Variants in P4HA1 observed in about 807,000 individuals in gnomAD.
P4HA1 encodes the protein prolyl 4-hydroxylase subunit alpha 1, also known as prolyl 4-hydroxylase subunit alpha-1.
Under a neutral mutation model 72.8 loss-of-function variants are expected in P4HA1, and 24 were observed. The ratio of observed to expected loss-of-function variants is 0.33; its 90% CI spans 0.24 to 0.46. P4HA1 has a LOEUF of 0.46. Ranked by LOEUF, P4HA1 falls within the 20% of genes least tolerant of loss-of-function variation. The pLI, the probability that P4HA1 is intolerant of heterozygous loss-of-function variation, is 1.00. For missense variants in P4HA1, 446 were observed against 640.6 expected, an observed-to-expected ratio of 0.70 and a Z score of 3.28; for synonymous variants, 201 against 218.8, an observed-to-expected ratio of 0.92 and a Z score of 0.72.
At chr10:73,027,380 T>C (rs1840300693) in intron 10 of P4HA1, among the ~76,000 whole-genome samples, 2 of 144,218 alleles carry the variant, frequency 1.4e-5, no homozygotes, top group African/African-American at 5.2e-5. Context: ...TTCTCACTCA[T>C]AGGTGGAAAT....
intron 9 of P4HA1, among the ~76,000 whole-genome samples, chr10:73,037,958 T>C (rs372525286): frequency 1.3e-5 from 2 of 152,062 alleles, no homozygotes; most frequent in South Asian, 4.2e-4. Context: ...AAATAACATA[T>C]TTATGATATA....
chr10:73,050,330 A>G (rs1240104744), intron 7 of P4HA1, among the ~76,000 whole-genome samples: 2 of 152,192 alleles, frequency 1.3e-5, no homozygotes, highest in Non-Finnish European at 2.9e-5. Flanking sequence ...GCTTTATTTT[A>G]AAGCTATTTT....
chr10:73,057,356 G>A (rs1329567287), intron 5 of P4HA1, among the ~76,000 whole-genome samples: 4 of 152,014 alleles, frequency 2.6e-5, no homozygotes, highest in African/African-American at 7.2e-5. Context: ...CGGGCGTGGT[G>A]GTGGGTGCTT....
At chr10:73,078,180 T>C (rs1166180517) in intron 1 of P4HA1, among the ~76,000 whole-genome samples, 1 of 150,598 alleles carries the variant, frequency 6.6e-6, no homozygotes, top group African/African-American at 2.4e-5. Context: ...AAGATGTTAA[T>C]AGACAAGTAG....
intron 5 of P4HA1, among the ~76,000 whole-genome samples, chr10:73,054,853 T>C (rs371627323): frequency 4.6e-5 from 7 of 152,204 alleles, no homozygotes; most frequent in African/African-American, 1.7e-4. Context: ...ACTAGTTATG[T>C]TGGGCCTATT....
In P4HA1 at chr10:73,064,474, G is replaced by T. The variant is rs1328940573; in HGVS notation, c.463+4372C>A. Among the ~76,000 whole-genome samples the T allele has an allele frequency of 1.2e-4, 14 of 120,342 alleles. No individual in the cohort carries two copies. In the East Asian group the frequency reaches 4.4e-3, roughly 38 times the overall value. 78.9% of individuals were successfully genotyped at this position (120,342 alleles called of 152,430 possible). A position where few individuals can be genotyped will look rare whatever the true frequency, so the allele number is the denominator to read the frequency against. On this transcript the variant is annotated intron_variant, in intron 5 of 14. Transcript: ENST00000394890. Reference sequence around the variant, plus strand: ...TGGGTTGATAGCAGAGTGAGATCCTGTCTCAAAAAAATAAAGAAAATAAAG... The same window carrying T: ...TGGGTTGATAGCAGAGTGAGATCCTTTCTCAAAAAAATAAAGAAAATAAAG...
At chr10:73,043,805 A>T in intron 9 of P4HA1, 1 of 1,021,096 alleles carries the variant, frequency 9.8e-7, no homozygotes, top group Non-Finnish European at 1.5e-6. Context: ...CTTAGAAACT[A>T]TATCATGAGT....
intron 6 of P4HA1, 48 bp from the exon 7 acceptor site, chr10:73,051,297 T>A: frequency 2.0e-6 from 2 of 990,888 alleles, no homozygotes; most frequent in Non-Finnish European, 3.1e-6. Context: ...TCATGCTTGT[T>A]CAAGCATCAG....
chr10:73,080,885 G>A (rs1341818460), intron 1 of P4HA1, among the ~76,000 whole-genome samples: 4 of 152,182 alleles, frequency 2.6e-5, no homozygotes, highest in Admixed American at 6.5e-5. Flanking sequence ...CTGAGATTGC[G>A]CCACTGCACT....
intron 14 of P4HA1, among the ~76,000 whole-genome samples, chr10:73,009,115 T>TC (rs780463084): frequency 2.0e-5 from 3 of 152,166 alleles, no homozygotes; most frequent in Non-Finnish European, 4.4e-5. Flanking sequence ...AACACTATAA[T>TC]CATAAGGGGA....
intron 10 of P4HA1, among the ~76,000 whole-genome samples, chr10:73,026,404 T>C (rs769870546): frequency 2.0e-5 from 3 of 152,240 alleles, no homozygotes; most frequent in Non-Finnish European, 2.9e-5. Context: ...GCTAGCCATA[T>C]GTAGAAAGCT....
intron 10 of P4HA1, 34 bp downstream of exon 10, chr10:73,030,237 G>A (rs1840403186): frequency 1.8e-6 from 2 of 1,121,030 alleles, no homozygotes; most frequent in Non-Finnish European, 2.6e-6. Flanking sequence ...CTCCTGAAGT[G>A]TAAAAATGAC....
intron 1 of P4HA1, among the ~76,000 whole-genome samples, chr10:73,083,649 T>C (rs946792401): frequency 1.8e-4 from 27 of 152,162 alleles, no homozygotes; most frequent in African/African-American, 6.5e-4. Flanking sequence ...CCCTTTTACC[T>C]TTTTCTGGCA....
At chr10:73,081,667 C>T (rs1428564101) in intron 1 of P4HA1, among the ~76,000 whole-genome samples, 1 of 152,112 alleles carries the variant, frequency 6.6e-6, no homozygotes, top group Non-Finnish European at 1.5e-5. Flanking sequence ...TACAAATGAT[C>T]CCCAACATAG....
Position 73,045,113 on chromosome 10 carries a change from A to T in P4HA1, c.1078-62T>A, listed in dbSNP as rs188634342. 494 of 1,339,818 alleles carry T rather than the reference A, an allele frequency of 3.7e-4. No homozygotes were observed. In the African/African-American group the frequency reaches 6.0e-3, roughly 16 times the overall value. 83.0% of individuals were successfully genotyped at this position (1,339,818 alleles called of 1,614,324 possible). A position where few individuals can be genotyped will look rare whatever the true frequency, so the allele number is the denominator to read the frequency against. On this transcript the variant is annotated intron_variant, in intron 8 of 14. Coordinates refer to ENST00000394890, the MANE Select transcript of P4HA1 (RefSeq NM_001017962.3). The stretch of plus-strand genomic sequence containing the variant: ...ACAAAAAACTGAATCACATTTACCC[A>T]ACCAGTCAGAATTCCAGGGTTTTTA...
At chr10:73,085,221 C>A (rs1841901767) in intron 1 of P4HA1, among the ~76,000 whole-genome samples, 1 of 152,020 alleles carries the variant, frequency 6.6e-6, no homozygotes, top group African/African-American at 2.4e-5. Flanking sequence ...AGATATGACG[C>A]CTAAAGCACC....
At chr10:73,045,443 T>A (rs537353021) in intron 8 of P4HA1, among the ~76,000 whole-genome samples, 13 of 152,074 alleles carry the variant, frequency 8.5e-5, no homozygotes, top group Non-Finnish European at 1.5e-4. Flanking sequence ...CAATTAATGA[T>A]CCATTCCAAA....
intron 12 of P4HA1, among the ~76,000 whole-genome samples, chr10:73,012,519 C>A (rs948560441): frequency 6.6e-6 from 1 of 151,978 alleles, no homozygotes; most frequent in African/African-American, 2.4e-5. Context: ...ATGTACCTTA[C>A]CTCCTTTTGG....
At chr10:73,027,123 A>T (rs1370838437) in intron 10 of P4HA1, among the ~76,000 whole-genome samples, 1 of 152,224 alleles carries the variant, frequency 6.6e-6, no homozygotes, top group Non-Finnish European at 1.5e-5. Flanking sequence ...ATTATAAATC[A>T]TGCTACTATA....
Sources: gnomAD v4.1 joint callset for allele counts (sites outside exome capture counted in the v4.1 genomes callset) on GRCh38, gnomAD v4.1.1 for gene constraint, MANE v1.5 for transcripts, NCBI Gene and HGNC (gene_info 2026-07-23, HGNC 2026-07-21) for gene names.